Variants in CDC23 observed in about 807,000 individuals in gnomAD.
The protein encoded by CDC23 is cell division cycle protein 23 homolog.
In CDC23, 26 loss-of-function variants were observed where a neutral mutation model predicts 81.7. The ratio of observed to expected loss-of-function variants is 0.32; its 90% CI spans 0.23 to 0.44. CDC23 has a LOEUF of 0.44. CDC23 is among the 20% of genes least tolerant of loss of function. The pLI is 1.00. For synonymous variants in CDC23, 267 were observed against 270.8 expected (o/e 0.99, Z 0.14); for missense variants, 519 against 728.0 (o/e 0.71, Z 3.30).
rs1239686691 is a variant in CDC23, at chr5:138,201,174, G to A, written c.587C>T (p.Thr196Ile). 1.9e-6 allele frequency: 3 copies of A among 1,614,048 alleles called. No individual in the cohort carries two copies. The African/African-American group carries it at 4.0e-5, about 22-fold the overall frequency. The change falls in exon 6 of 16, where the codon ACT (threonine) becomes ATT (isoleucine). Residue 196 changes from threonine to isoleucine, a missense_variant. Physicochemically the swap from Thr to Ile is moderately conservative, Grantham distance 89 (BLOSUM62 -1). Coordinates refer to ENST00000394886, the MANE Select transcript of CDC23 (RefSeq NM_004661.4). The stretch of plus-strand genomic sequence containing the variant: ...TCCCCAATGCAAGGGCAAAACATGA[G>A]TAGCTTCCACAAACACATCAATGGC... ...KEAIDVFVEA[T>I]HVLPLHWGAW...
chr5:138,192,049 T>A (rs1754832778), intron 11 of CDC23, 112 bp from the exon 12 acceptor site: 5 of 976,868 alleles, frequency 5.1e-6, no homozygotes, highest in Non-Finnish European at 8.0e-6. Context: ...GTCTTTAACC[T>A]GATGCTCCAT....
chr5:138,200,368 G>A (rs758302026), intron 6 of CDC23, among the ~76,000 whole-genome samples: 1 of 152,022 alleles, frequency 6.6e-6, no homozygotes, highest in East Asian at 1.9e-4. Flanking sequence ...CTGACCTCAG[G>A]TGATCCACCC....
intron 2 of CDC23, among the ~76,000 whole-genome samples, chr5:138,207,555 T>C (rs1755065473): frequency 6.6e-6 from 1 of 152,232 alleles, no homozygotes. Context: ...ATTACTTATA[T>C]TTTTTGTACT....
chr5:138,198,450 T>A lies in CDC23; in HGVS notation c.906A>T (p.Thr302=), dbSNP rs191264376. 113 of 1,614,086 alleles carry A rather than the reference T, an allele frequency of 7.0e-5. No individual in the cohort carries two copies. The East Asian group carries it at 2.3e-3, about 33-fold the overall frequency. The change falls in exon 8 of 16, where the codon ACA becomes ACT. Residue 302 remains threonine, a synonymous_variant. Transcript: ENST00000394886. ...CCCTGACATAAAGAAGGTTGGAGAA[T>A]GTGTCCATATTTTCAATCCTGTAAG... is the stretch of plus-strand genomic sequence containing the variant. ...QDPYRIENMD[T]FSNLLYVRSM...
Position 138,201,426 on chromosome 5 carries a change from C to T in CDC23, c.438G>A (p.Val146=). The change falls in exon 5 of 16, where the codon GTG becomes GTA. Residue 146 remains valine, a synonymous_variant. Transcript: ENST00000394886. ...TCAATTCTCTAAGCGCCTCATTTTT[C>T]ACTTGTCCTTTTTCCAGGGGGCCTA... ...DSLGPLEKGQ[V]KNEALRELRV... is the part of the protein sequence containing the mutation. 2 of 1,613,924 alleles carry T rather than the reference C, an allele frequency of 1.2e-6. No individual in the cohort carries two copies. The highest frequency in any genetic ancestry group is 1.7e-6 in the Non-Finnish European group (2 of 1,179,884).
In CDC23 at chr5:138,192,274, C is replaced by T; in HGVS notation, c.1281G>A (p.Gln427=). Residue 427 remains glutamine, a synonymous_variant, in exon 11 of 16, where the codon CAG becomes CAA. Transcript: ENST00000394886. ...YCLYYYRRAH[Q]LRPNDSRMLV... ...TGTCAAGTGACCAGGCTTACCGAAG[C>T]TGGTGGGCCCGTCTATAATAATAAA... The T allele has an allele frequency of 6.2e-7, 1 of 1,614,150 alleles. No homozygotes were observed. The highest frequency in any genetic ancestry group is 8.5e-7 in the Non-Finnish European group (1 of 1,180,034).
intron 13 of CDC23, 58 bp from the exon 14 acceptor site, chr5:138,189,964 A>G: frequency 6.6e-7 from 1 of 1,506,960 alleles, no homozygotes; most frequent in Non-Finnish European, 9.2e-7. Flanking sequence ...TTAGTGATAA[A>G]AAAAGTAAAA....
At chr5:138,200,142 GTTTGT>G (rs1754970200) in intron 6 of CDC23, among the ~76,000 whole-genome samples, 1 of 152,112 alleles carries the variant, frequency 6.6e-6, no homozygotes, top group African/African-American at 2.4e-5. Context: ...TTGTTTGTTT[GTTTGT>G]TTGAGACAGA....
intron 2 of CDC23, among the ~76,000 whole-genome samples, chr5:138,211,310 C>T (rs886124316): frequency 1.3e-5 from 2 of 152,172 alleles, no homozygotes; most frequent in Non-Finnish European, 2.9e-5. Context: ...GGAAGCTGAT[C>T]ACTGGGTACA....
intron 2 of CDC23, among the ~76,000 whole-genome samples, chr5:138,211,700 A>G (rs1195247762): frequency 6.6e-6 from 1 of 152,104 alleles, no homozygotes; most frequent in African/African-American, 2.4e-5. Context: ...ACTGTCTATC[A>G]GGTATTATGT....
chr5:138,201,402 C>A lies in CDC23; in HGVS notation c.462G>T (p.Leu154Phe). The A allele has an allele frequency of 1.2e-6, 2 of 1,614,148 alleles. No individual in the cohort carries two copies. Among genetic ancestry groups the A allele is most frequent in the Non-Finnish European group, 1.7e-6 (2 of 1,180,004 alleles). ...GGTGTTTTTTGCTGAGCTCCACTCT[C>A]AATTCTCTAAGCGCCTCATTTTTCA... ...GQVKNEALRE[L>F]RVELSKKHQA... Residue 154 changes from leucine to phenylalanine, a missense_variant, in exon 5 of 16, where the codon TTG becomes TTT. Coordinates refer to ENST00000394886, the MANE Select transcript of CDC23 (RefSeq NM_004661.4).
chr5:138,212,915 A>G, intron 2 of CDC23, 76 bp downstream of exon 2: 1 of 1,223,160 alleles, frequency 8.2e-7, no homozygotes, highest in Non-Finnish European at 1.2e-6. Context: ...GCTCTCCTCC[A>G]GTGACAGGGC....
intron 6 of CDC23, among the ~76,000 whole-genome samples, chr5:138,200,741 A>G (rs758867893): frequency 6.6e-6 from 1 of 152,062 alleles, no homozygotes; most frequent in Non-Finnish European, 1.5e-5. Flanking sequence ...AATTGCTTGA[A>G]CCTGGGAGGC....
intron 2 of CDC23, among the ~76,000 whole-genome samples, chr5:138,211,201 A>G (rs963545399): frequency 6.6e-6 from 1 of 152,202 alleles, no homozygotes; most frequent in African/African-American, 2.4e-5. Flanking sequence ...GAACAAAATC[A>G]TGTCCTTTGC....
chr5:138,201,396 C>T lies in CDC23; in HGVS notation c.468G>A (p.Val156=). The stretch of plus-strand genomic sequence containing the variant: ...GAGCTTGGTGTTTTTTGCTGAGCTC[C>T]ACTCTCAATTCTCTAAGCGCCTCAT... ...VKNEALRELR[V]ELSKKHQARE... is the part of the protein sequence containing the mutation. The change falls in exon 5 of 16, where the codon GTG becomes GTA. Residue 156 remains valine (V), a synonymous_variant. Transcript: ENST00000394886. 6.2e-7 allele frequency: 1 copy of T among 1,614,006 alleles called. No individual in the cohort carries two copies. Among genetic ancestry groups the T allele is most frequent in the Non-Finnish European group, 8.5e-7 (1 of 1,179,934 alleles).
At position 138,212,999 on chromosome 5, in the gene CDC23, T is replaced by C. The variant is rs1327842353; in HGVS notation, c.226A>G (p.Ile76Val). 3 of 1,613,722 alleles carry C rather than the reference T, an allele frequency of 1.9e-6. No individual in the cohort carries two copies. The highest frequency in any genetic ancestry group is 2.2e-5 in the East Asian group (1 of 44,872). Residue 76 changes from isoleucine (I) to valine (V), a missense_variant, in exon 2 of 16, where the codon ATT becomes GTT. By Grantham distance (29) the Ile-to-Val change is conservative. Around this residue, in one of 4 missense-constraint regions of CDC23, gnomAD observed 126 missense variants for 116.2 expected, o/e 1.08. Coordinates refer to ENST00000394886, the MANE Select transcript of CDC23 (RefSeq NM_004661.4). ...TGTAAACATGTCCTTACCTCTGTAA[T>C]AGGCGGAGGCGGTTGCAGCTCGGCC... ...PLAELQPPPP[I>V]TEEDAQDMDA...
intron 6 of CDC23, among the ~76,000 whole-genome samples, chr5:138,199,836 A>G (rs1478616954): frequency 6.6e-6 from 1 of 152,234 alleles, no homozygotes; most frequent in Non-Finnish European, 1.5e-5. Context: ...GCAGTTACAC[A>G]TAGGTGAATA....
At chr5:138,189,571 C>T (rs1310046327) in intron 15 of CDC23, 62 bp downstream of exon 15, 5 of 1,536,206 alleles carry the variant, frequency 3.3e-6, no homozygotes, top group Non-Finnish European at 3.5e-6. Context: ...GTAGGCTTTC[C>T]ACTTAAATAT....
At chr5:138,209,513 GTAAT>G (rs2126590488) in intron 2 of CDC23, among the ~76,000 whole-genome samples, 1 of 151,820 alleles carries the variant, frequency 6.6e-6, no homozygotes, top group East Asian at 2.0e-4. Context: ...TGCTTCTTTG[GTAAT>G]GTTTATAAAA....
Sources: gnomAD v4.1 joint callset for allele counts (sites outside exome capture counted in the v4.1 genomes callset) on GRCh38, gnomAD v4.1.1 for gene constraint, gnomAD v4.1.1 regional missense constraint, MANE v1.5 for transcripts, NCBI Gene and HGNC (gene_info 2026-07-23, HGNC 2026-07-21) for gene names.